PROS1: variants seen among roughly 807,000 people sequenced by gnomAD.
PROS1 encodes the protein protein S, also known as vitamin K-dependent protein S.
In PROS1, 29 loss-of-function variants were observed where a neutral mutation model predicts 75.9. That is an observed-to-expected ratio of 0.38 (90% CI 0.28 to 0.52). The LOEUF (loss-of-function observed/expected upper bound fraction) is 0.52, where lower values mean the gene tolerates loss of function less well. Among genes scored for constraint, PROS1 ranks in the 20% least tolerant of loss-of-function variants. The pLI, the probability that PROS1 is intolerant of heterozygous loss-of-function variation, is 0.83. For missense variants in PROS1, 680 were observed against 810.3 expected (o/e 0.84, Z 1.95); for synonymous variants, 245 against 280.6 (o/e 0.87, Z 1.27).
intron 1 of PROS1, among the ~76,000 whole-genome samples, chr3:93,960,001 A>AAC (rs997650167): frequency 6.6e-6 from 1 of 152,186 alleles, no homozygotes; most frequent in Non-Finnish European, 1.5e-5. Flanking sequence ...CACACTTTGT[A>AAC]ATATATATTA....
intron 8 of PROS1, among the ~76,000 whole-genome samples, chr3:93,897,612 C>T (rs1708522576): frequency 6.6e-6 from 1 of 151,944 alleles, no homozygotes; most frequent in African/African-American, 2.4e-5. Flanking sequence ...AAGTAGGTTG[C>T]ATATTATTGA....
intron 1 of PROS1, among the ~76,000 whole-genome samples, chr3:93,940,569 T>C (rs1709268596): frequency 1.3e-5 from 2 of 152,162 alleles, no homozygotes; most frequent in African/African-American, 4.8e-5. Context: ...AGCTCCCTTA[T>C]TAGACTGACA....
At chr3:93,881,841 A>T (rs767541165) in intron 12 of PROS1, among the ~76,000 whole-genome samples, 1 of 152,180 alleles carries the variant, frequency 6.6e-6, no homozygotes, top group Non-Finnish European at 1.5e-5. Flanking sequence ...TGCTGGGATT[A>T]TAAGTGTGAG....
Position 93,973,753 on chromosome 3 carries a change from G to C in PROS1, c.-4C>G. Reference sequence around the variant, plus strand: ...AGCGCCCACCCAGGACCCTCATTTCGAAGCGCGCGGAGGCGCCGGCAGGGA... The same window carrying C: ...AGCGCCCACCCAGGACCCTCATTTCCAAGCGCGCGGAGGCGCCGGCAGGGA... On this transcript the variant is annotated 5_prime_UTR_variant, in exon 1 of 15. Coordinates refer to ENST00000394236, the MANE Select transcript of PROS1 (RefSeq NM_000313.4). The C allele has an allele frequency of 3.1e-6, 5 of 1,611,024 alleles. No homozygotes were observed. The highest frequency in any genetic ancestry group is 4.2e-6 in the Non-Finnish European group (5 of 1,178,692).
intron 1 of PROS1, among the ~76,000 whole-genome samples, chr3:93,963,848 A>AC (rs1309732307): frequency 1.3e-5 from 2 of 151,834 alleles, no homozygotes; most frequent in Non-Finnish European, 2.9e-5. Context: ...ACCAGGCACC[A>AC]CCTCCTACAA....
chr3:93,906,224 T>C, intron 4 of PROS1, 81 bp from the exon 5 acceptor site: 1 of 1,499,372 alleles, frequency 6.7e-7, no homozygotes. Context: ...ATAAAAATCC[T>C]GAAGCCTAGA....
chr3:93,944,156 C>A (rs1709340551), intron 1 of PROS1, among the ~76,000 whole-genome samples: 1 of 152,058 alleles, frequency 6.6e-6, no homozygotes, highest in Non-Finnish European at 1.5e-5. Flanking sequence ...TAACTGATAA[C>A]TCTCCCATTT....
chr3:93,884,427 G>A, intron 12 of PROS1, among the ~76,000 whole-genome samples: 1 of 152,292 alleles, frequency 6.6e-6, no homozygotes, highest in East Asian at 1.9e-4. Context: ...TTCATTGATA[G>A]ACTCCATACA....
At chr3:93,882,577 C>G (rs971532685) in intron 12 of PROS1, among the ~76,000 whole-genome samples, 1 of 152,170 alleles carries the variant, frequency 6.6e-6, no homozygotes, top group African/African-American at 2.4e-5. Context: ...ACTTTCTAAT[C>G]CAGGGCAGAC....
In PROS1 at chr3:93,883,673, A is replaced by G. The variant is rs753623589; in HGVS notation, c.1492+1055T>C. On this transcript the variant is annotated intron_variant, in intron 12 of 14. Transcript: ENST00000394236. ...TCCCTTATTCTAAGCAGAAGGTAGT[A>G]TTTTGAAAATCTGAGGCTGGGTGCG... Among the ~76,000 whole-genome samples, 55 of 152,070 alleles carry G rather than the reference A, an allele frequency of 3.6e-4. 1 individual carries two copies. The highest frequency in any genetic ancestry group is 1.5e-4 in the Non-Finnish European group (10 of 68,002).
At chr3:93,933,432 G>A (rs1196635689) in intron 1 of PROS1, among the ~76,000 whole-genome samples, 1 of 151,888 alleles carries the variant, frequency 6.6e-6, no homozygotes, top group Non-Finnish European at 1.5e-5. Flanking sequence ...AAAAGTAGCT[G>A]GGCATGGTGG....
intron 3 of PROS1, among the ~76,000 whole-genome samples, chr3:93,914,756 A>G (rs989157757): frequency 1.3e-5 from 2 of 152,088 alleles, no homozygotes; most frequent in Admixed American, 6.6e-5. Flanking sequence ...GATTCCTGAG[A>G]TTTTGGTTCA....
intron 1 of PROS1, 50 bp downstream of exon 1, chr3:93,973,624 T>C: frequency 2.5e-6 from 4 of 1,584,766 alleles, no homozygotes; most frequent in Non-Finnish European, 3.5e-6. Context: ...GGGCACGCAG[T>C]TCAGTCGACA....
chr3:93,876,723 C>G (rs1183432464), intron 14 of PROS1, among the ~76,000 whole-genome samples: 4 of 151,172 alleles, frequency 2.6e-5, no homozygotes, highest in African/African-American at 9.7e-5. Context: ...AATAACATAT[C>G]CTTTCTGGCT....
chr3:93,886,266 A>G lies in PROS1; in HGVS notation c.1323+70T>C, dbSNP rs1708344719. 4 of 1,374,748 alleles carry G rather than the reference A, an allele frequency of 2.9e-6. No homozygotes were observed. In the East Asian group the frequency reaches 6.9e-5, roughly 24 times the overall value. 85.2% of individuals were successfully genotyped at this position (1,374,748 alleles called of 1,614,324 possible). A position where few individuals can be genotyped will look rare whatever the true frequency, so the allele number is the denominator to read the frequency against. ...ACAACTTCTATTGATTCTCAGAAAC[A>G]CACATATTCAAATCTATTACAGACA... On this transcript the variant is annotated intron_variant, in intron 11 of 14. Transcript: ENST00000394236.
intron 12 of PROS1, 99 bp downstream of exon 12, chr3:93,884,629 T>G: frequency 2.2e-6 from 3 of 1,342,214 alleles, no homozygotes; most frequent in Non-Finnish European, 3.1e-6. Flanking sequence ...GGGCACACAG[T>G]AGATACTCAA....
chr3:93,931,058 C>T (rs1709098185), intron 1 of PROS1, among the ~76,000 whole-genome samples: 1 of 152,212 alleles, frequency 6.6e-6, no homozygotes, highest in Admixed American at 6.5e-5. Context: ...CCCAACAATG[C>T]TTTACATTGG....
intron 1 of PROS1, among the ~76,000 whole-genome samples, chr3:93,964,133 G>C (rs751517638): frequency 1.4e-4 from 22 of 152,252 alleles, no homozygotes; most frequent in Non-Finnish European, 2.8e-4. Flanking sequence ...TGTGTTAACT[G>C]TACAAATTGA....
At chr3:93,910,174 C>T (rs1298677748) in intron 4 of PROS1, among the ~76,000 whole-genome samples, 1 of 152,072 alleles carries the variant, frequency 6.6e-6, no homozygotes, top group African/African-American at 2.4e-5. Context: ...TCATTAGGCC[C>T]CTTGTGAACT....
Sources: allele counts gnomAD v4.1 joint callset (sites outside exome capture counted in the v4.1 genomes callset), GRCh38; gene constraint gnomAD v4.1.1; transcripts MANE v1.5; gene names NCBI Gene and HGNC (gene_info 2026-07-23, HGNC 2026-07-21).